MTTP: variants seen among roughly 807,000 people sequenced by gnomAD.
MTTP encodes the protein microsomal triglyceride transfer protein.
In MTTP, 49 loss-of-function variants were observed where a neutral mutation model predicts 90.6. That is an observed-to-expected ratio of 0.54 (90% CI 0.43 to 0.69). MTTP has a LOEUF of 0.69. Ranked by LOEUF, MTTP falls within the 30% of genes least tolerant of loss-of-function variation. MTTP has a pLI of 0.00. For synonymous variants in MTTP, 347 were observed against 384.2 expected (o/e 0.90, Z 1.13); for missense variants, 945 against 1,067.5 (o/e 0.89, Z 1.60).
At chr4:99,609,381 A>G (rs1482411728) in intron 12 of MTTP, among the ~76,000 whole-genome samples, 1 of 152,234 alleles carries the variant, frequency 6.6e-6, no homozygotes, top group Non-Finnish European at 1.5e-5. Flanking sequence ...CAGATCAAAT[A>G]AATTTCCCAT....
intron 16 of MTTP, 80 bp from the exon 17 acceptor site, chr4:99,620,980 AC>A: frequency 7.5e-7 from 1 of 1,337,824 alleles, no homozygotes; most frequent in Non-Finnish European, 1.0e-6. Context: ...ATACGTTCAG[AC>A]CCTGTAAAGT....
Position 99,607,089 on chromosome 4 carries a change from AAT to A in MTTP, c.1557+131_1557+132del, listed in dbSNP as rs1381280869. The A allele has an allele frequency of 6.3e-6, 5 of 799,016 alleles. No individual in the cohort carries two copies. The African/African-American group carries it at 8.7e-5, about 14-fold the overall frequency. The allele number at this position is 799,016 out of a possible 1,614,324, so 49.5% of individuals were successfully genotyped here. On this transcript the variant is annotated intron_variant, in intron 11 of 17. Transcript: ENST00000265517. ...CAAATAGTCTTCTCTCCTGCTTAAAAATAACTCTTAAATTGCATTTGCGGCTA... is the reference window on the plus strand; with the variant it reads ...CAAATAGTCTTCTCTCCTGCTTAAAAAACTCTTAAATTGCATTTGCGGCTA...
chr4:99,597,004 C>A, intron 7 of MTTP, 63 bp from the exon 8 acceptor site: 1 of 1,603,822 alleles, frequency 6.2e-7, no homozygotes, highest in South Asian at 1.1e-5. Flanking sequence ...GGAGAACACC[C>A]TTTGTAAATG....
chr4:99,612,583 C>T (rs1242857077), intron 14 of MTTP, among the ~76,000 whole-genome samples: 1 of 152,088 alleles, frequency 6.6e-6, no homozygotes, highest in Non-Finnish European at 1.5e-5. Context: ...AAATAGAAAG[C>T]TCATGGTTTT....
chr4:99,593,069 G>C (rs1725469632), intron 6 of MTTP, among the ~76,000 whole-genome samples: 1 of 152,098 alleles, frequency 6.6e-6, no homozygotes, highest in African/African-American at 2.4e-5. Context: ...CTTTGTACAT[G>C]GGTCCATCAT....
rs765252900 is a variant in MTTP at position 99,594,763 on chromosome 4, A to G, written c.789A>G (p.Ala263=). 3.5e-5 allele frequency: 57 copies of G among 1,613,970 alleles called. No individual in the cohort carries two copies. The highest frequency in any genetic ancestry group is 4.7e-5 in the Non-Finnish European group (55 of 1,179,928). The change falls in exon 7 of 18, where the codon GCA becomes GCG. Residue 263 remains alanine (A), a synonymous_variant. Transcript: ENST00000265517. The stretch of plus-strand genomic sequence containing the variant: ...AATTAGAGCTGAAGACAACCGAAGC[A>G]GGCCCAAGATTGATGTCTGGAAAGC... ...KQKLELKTTE[A]GPRLMSGKQA...
At chr4:99,580,529 C>T (rs534625015) in intron 1 of MTTP, among the ~76,000 whole-genome samples, 6 of 127,604 alleles carry the variant, frequency 4.7e-5, no homozygotes, top group South Asian at 5.3e-4. Flanking sequence ...GAACTGAAAT[C>T]GTGTCACTGC....
Position 99,581,938 on chromosome 4 carries a change from G to A in MTTP, c.95G>A (p.Arg32Gln), listed in dbSNP as rs199537553. 575 of 1,614,080 alleles carry A rather than the reference G, an allele frequency of 3.6e-4. 4 individuals carry two copies. The South Asian group carries it at 5.5e-3, about 15-fold the overall frequency. Residue 32 changes from arginine (R) to glutamine (Q), a missense_variant, in exon 2 of 18, where the codon CGG becomes CAG. Arg to Gln is a conservative substitution (Grantham distance 43). Transcript: ENST00000265517. The part of the protein sequence containing the change: ...HTTGLSLNND[R>Q]LYKLTYSTEV... ...ACTGGTCTCTCATTAAATAATGACC[G>A]GCTGTACAAGCTCACGTACTCCACT...
At chr4:99,614,807 A>G (rs1726058822) in intron 15 of MTTP, among the ~76,000 whole-genome samples, 1 of 152,246 alleles carries the variant, frequency 6.6e-6, no homozygotes, top group South Asian at 2.1e-4. Context: ...ACGGTGTTAC[A>G]TGGCTATCTC....
intron 16 of MTTP, among the ~76,000 whole-genome samples, chr4:99,619,944 A>T (rs1028804847): frequency 6.6e-6 from 1 of 152,212 alleles, no homozygotes; most frequent in Admixed American, 6.5e-5. Flanking sequence ...ACCTCTTTCC[A>T]AAGTACTTTC....
At chr4:99,604,400 C>T (rs953627623) in intron 10 of MTTP, among the ~76,000 whole-genome samples, 1 of 152,044 alleles carries the variant, frequency 6.6e-6, no homozygotes, top group Non-Finnish European at 1.5e-5. Context: ...CTCCCGGCAT[C>T]CTAATTCCTT....
intron 14 of MTTP, among the ~76,000 whole-genome samples, chr4:99,612,449 T>C (rs1459104447): frequency 6.6e-6 from 1 of 150,868 alleles, no homozygotes; most frequent in East Asian, 2.0e-4. Flanking sequence ...TGTCCTCACA[T>C]AGCAGCAGCC....
Position 99,574,871 on chromosome 4 carries a change from T to TA in MTTP, c.-38dup. ...AAAGAGTCCACTTCTCAGTGACTCCTAGCTGGGCACTGGATGCAGTTGAGG... is the reference window on the plus strand; with the variant it reads ...AAAGAGTCCACTTCTCAGTGACTCCTAAGCTGGGCACTGGATGCAGTTGAGG... On this transcript the variant is annotated 5_prime_UTR_variant, in exon 1 of 18. Transcript: ENST00000265517. The TA allele has an allele frequency of 6.2e-7, 1 of 1,614,120 alleles. No homozygotes were observed. Among genetic ancestry groups the TA allele is most frequent in the Non-Finnish European group, 8.5e-7 (1 of 1,179,938 alleles).
intron 1 of MTTP, among the ~76,000 whole-genome samples, chr4:99,577,322 G>A (rs1175122196): frequency 6.6e-6 from 1 of 151,958 alleles, no homozygotes; most frequent in Non-Finnish European, 1.5e-5. Flanking sequence ...AAAGAAAATT[G>A]AGGCTGGGTG....
chr4:99,589,493 T>A, intron 3 of MTTP, 150 bp from the exon 4 acceptor site: 1 of 650,000 alleles, frequency 1.5e-6, no homozygotes, highest in Non-Finnish European at 2.8e-6. Flanking sequence ...TAGCTTCTTT[T>A]CACAAAAAGG....
intron 10 of MTTP, among the ~76,000 whole-genome samples, chr4:99,605,903 GTGTT>G (rs1428863598): frequency 6.6e-6 from 1 of 151,060 alleles, no homozygotes; most frequent in East Asian, 1.9e-4. Flanking sequence ...GTGTGTCTGT[GTGTT>G]TGTGTGTGCT....
intron 4 of MTTP, 110 bp from the exon 5 acceptor site, chr4:99,591,125 A>G (rs1725407097): frequency 5.0e-6 from 4 of 794,076 alleles, no homozygotes; most frequent in African/African-American, 3.4e-5. Flanking sequence ...TGGGGGAGAA[A>G]AAAAGTCCCC....
chr4:99,592,369 G>T (rs892393936), intron 6 of MTTP, among the ~76,000 whole-genome samples: 1 of 151,942 alleles, frequency 6.6e-6, no homozygotes, highest in Non-Finnish European at 1.5e-5. Flanking sequence ...ATTAACCTTA[G>T]CTTACTGTAA....
Position 99,611,352 on chromosome 4 carries a change from A to T in MTTP, c.1888A>T (p.Thr630Ser), listed in dbSNP as rs368679444. Residue 630 changes from threonine to serine, a missense_variant, in exon 14 of 18, where the codon ACT (threonine) becomes TCT (serine). Transcript: ENST00000265517. ...ATCAGGTAGTCCCCGTTCGGCATCT[A>T]CTTACAGCCTAGACATTCTCTACTC... ...YIERSPRSAS[T>S]YSLDILYSGS... 6.2e-7 allele frequency: 1 copy of T among 1,614,040 alleles called. No homozygotes were observed. The highest frequency in any genetic ancestry group is 2.2e-5 in the East Asian group (1 of 44,870).
Sources: allele counts gnomAD v4.1 joint callset (sites outside exome capture counted in the v4.1 genomes callset), GRCh38; gene constraint gnomAD v4.1.1; transcripts MANE v1.5; gene names NCBI Gene and HGNC (gene_info 2026-07-23, HGNC 2026-07-21).